Variants in PRICKLE1 observed in about 807,000 individuals in gnomAD.
PRICKLE1 encodes the protein prickle-like protein 1.
Under a neutral mutation model 70.2 loss-of-function variants are expected in PRICKLE1, and 14 were observed. The observed-to-expected ratio is 0.20, with a 90% CI of 0.13 to 0.31. The LOEUF is 0.31. Among genes scored for constraint, PRICKLE1 ranks in the 10% least tolerant of loss-of-function variants. The pLI is 1.00. For synonymous variants in PRICKLE1, 357 were observed against 379.9 expected, an observed-to-expected ratio of 0.94 and a Z score of 0.70; for missense variants, 821 against 1,026.2, an observed-to-expected ratio of 0.80 and a Z score of 2.73.
chr12:42,503,074 G>A (rs1311109066), intron 1 of PRICKLE1, among the ~76,000 whole-genome samples: 1 of 152,176 alleles, frequency 6.6e-6, no homozygotes, highest in East Asian at 1.9e-4. Flanking sequence ...ATGGGTAATA[G>A]TTTACTAAAT....
At chr12:42,588,321 A>G (rs2120826612) in intron 1 of PRICKLE1, among the ~76,000 whole-genome samples, 1 of 152,348 alleles carries the variant, frequency 6.6e-6, no homozygotes, top group South Asian at 2.1e-4. Context: ...AGCCTTCCAA[A>G]GTACTGATTA....
chr12:42,515,015 C>T (rs2120424519), intron 1 of PRICKLE1, among the ~76,000 whole-genome samples: 1 of 152,164 alleles, frequency 6.6e-6, no homozygotes, highest in South Asian at 2.1e-4. Flanking sequence ...CAACTTCCGC[C>T]TCCCAGGTTC....
At chr12:42,580,182 C>T (rs1268838254) in intron 1 of PRICKLE1, among the ~76,000 whole-genome samples, 2 of 151,896 alleles carry the variant, frequency 1.3e-5, no homozygotes. Context: ...GCCCCAGATA[C>T]ATTTAAAAAC....
At chr12:42,483,243 GC>G (rs1193589115) in intron 1 of PRICKLE1, 1 of 152,406 alleles carries the variant, frequency 6.6e-6, no homozygotes, top group East Asian at 1.9e-4. Context: ...GGGCCGAGCA[GC>G]CACGGGTCCC....
chr12:42,460,815 T>C, intron 7 of PRICKLE1, 150 bp from the exon 8 acceptor site: 1 of 842,726 alleles, frequency 1.2e-6, no homozygotes, highest in Non-Finnish European at 1.9e-6. Context: ...CATGTATCTA[T>C]GCCAATTGAG....
chr12:42,526,284 G>A (rs994091704), intron 1 of PRICKLE1, among the ~76,000 whole-genome samples: 2 of 151,984 alleles, frequency 1.3e-5, no homozygotes, highest in Non-Finnish European at 2.9e-5. Flanking sequence ...TTTACAACCT[G>A]GTAGGGGAGA....
At position 42,459,478 on chromosome 12, in the gene PRICKLE1, T is replaced by C; in HGVS notation, c.*331A>G. On this transcript the variant is annotated 3_prime_UTR_variant, in exon 8 of 8. Coordinates refer to ENST00000345127, the MANE Select transcript of PRICKLE1 (RefSeq NM_153026.3). ...TTACAAAGGTGGCTGGAGTTCTCCATCTTCTAAAATCAACATCCAATCCCC... is the reference window on the plus strand; with the variant it reads ...TTACAAAGGTGGCTGGAGTTCTCCACCTTCTAAAATCAACATCCAATCCCC... The C allele has an allele frequency of 1.5e-6, 1 of 658,120 alleles. No individual in the cohort carries two copies. The allele number at this position is 658,120 out of a possible 1,614,324, so 40.8% of individuals were successfully genotyped here. A position where few individuals can be genotyped will look rare whatever the true frequency, so the allele number is the denominator to read the frequency against.
intron 1 of PRICKLE1, among the ~76,000 whole-genome samples, chr12:42,568,710 TA>T (rs1377940369): frequency 6.6e-6 from 1 of 152,178 alleles, no homozygotes; most frequent in Non-Finnish European, 1.5e-5. Context: ...TTTATAGATT[TA>T]GGGGGTACAG....
At chr12:42,466,645 G>A (rs1266791219) in intron 5 of PRICKLE1, among the ~76,000 whole-genome samples, 2 of 152,148 alleles carry the variant, frequency 1.3e-5, no homozygotes, top group Non-Finnish European at 2.9e-5. Context: ...TACACCGGAG[G>A]TAATTCATTT....
chr12:42,518,722 C>G (rs1303123900), intron 1 of PRICKLE1, among the ~76,000 whole-genome samples: 2 of 152,150 alleles, frequency 1.3e-5, no homozygotes, highest in Non-Finnish European at 2.9e-5. Flanking sequence ...AAACTGTGTT[C>G]AATATTAATG....
intron 1 of PRICKLE1, among the ~76,000 whole-genome samples, chr12:42,554,690 A>G (rs969786168): frequency 7.2e-5 from 11 of 152,176 alleles, no homozygotes; most frequent in Admixed American, 4.6e-4. Context: ...TTTTAACCAA[A>G]CCCAAGAGAA....
intron 7 of PRICKLE1, among the ~76,000 whole-genome samples, chr12:42,463,430 G>T (rs975983653): frequency 6.6e-6 from 1 of 151,162 alleles, no homozygotes; most frequent in East Asian, 2.0e-4. Context: ...AAAAAAAAAT[G>T]AGCTTGTGGC....
At chr12:42,479,409 A>G (rs555925939) in intron 1 of PRICKLE1, among the ~76,000 whole-genome samples, 2 of 152,368 alleles carry the variant, frequency 1.3e-5, no homozygotes, top group Admixed American at 6.5e-5. Flanking sequence ...GCGTGCACAC[A>G]TTCGCACACA....
At chr12:42,481,804 G>A (rs1164289471) in intron 1 of PRICKLE1, among the ~76,000 whole-genome samples, 3 of 152,068 alleles carry the variant, frequency 2.0e-5, no homozygotes, top group South Asian at 4.1e-4. Flanking sequence ...AACTTCAATC[G>A]AGATGTGAAT....
At chr12:42,574,999 T>C (rs2120769755) in intron 1 of PRICKLE1, among the ~76,000 whole-genome samples, 1 of 150,746 alleles carries the variant, frequency 6.6e-6, no homozygotes, top group Middle Eastern at 3.4e-3. Flanking sequence ...CTTGGTGACA[T>C]TCAGGCTTCT....
intron 1 of PRICKLE1, among the ~76,000 whole-genome samples, chr12:42,550,814 A>AT (rs1437315593): frequency 1.3e-5 from 2 of 152,240 alleles, no homozygotes; most frequent in African/African-American, 4.8e-5. Context: ...AGGAGGAGAC[A>AT]TTATAAAATT....
intron 1 of PRICKLE1, among the ~76,000 whole-genome samples, chr12:42,515,717 G>T (rs1939599963): frequency 6.6e-6 from 1 of 152,164 alleles, no homozygotes; most frequent in Non-Finnish European, 1.5e-5. Context: ...TGAGGGTTCT[G>T]CTCTGCTATC....
intron 1 of PRICKLE1, among the ~76,000 whole-genome samples, chr12:42,551,719 G>A (rs565059967): frequency 1.3e-5 from 2 of 152,290 alleles, no homozygotes; most frequent in Non-Finnish European, 2.9e-5. Context: ...AAGAGGAGAC[G>A]TTTATTTGGA....
chr12:42,576,620 CTTCCT>C (rs1164420789), intron 1 of PRICKLE1, among the ~76,000 whole-genome samples: 3 of 152,222 alleles, frequency 2.0e-5, no homozygotes, highest in African/African-American at 7.2e-5. Flanking sequence ...TTTATTAGTT[CTTCCT>C]ATTGGTACAG....
Sources: gnomAD v4.1 joint callset for allele counts (sites outside exome capture counted in the v4.1 genomes callset) on GRCh38, gnomAD v4.1.1 for gene constraint, MANE v1.5 for transcripts, NCBI Gene and HGNC (gene_info 2026-07-23, HGNC 2026-07-21) for gene names.